The following NPR3 variants were observed in gnomAD, a reference collection of about 807,000 sequenced individuals.
The protein encoded by NPR3 is atrial natriuretic peptide receptor 3.
A neutral mutation model predicts 54.5 loss-of-function variants in NPR3; 34 were observed. The ratio of observed to expected loss-of-function variants is 0.62; its 90% CI spans 0.47 to 0.83. NPR3 has a LOEUF of 0.83. Ranked by LOEUF, NPR3 falls within the 40% of genes least tolerant of loss-of-function variation. The pLI, the probability that NPR3 is intolerant of heterozygous loss-of-function variation, is 0.00. For synonymous variants in NPR3, 289 were observed against 297.1 expected (o/e 0.97, Z 0.28); for missense variants, 674 against 720.8 (o/e 0.94, Z 0.74).
Position 32,768,347 on chromosome 5 carries a change from G to A in NPR3, c.1060-6361G>A, listed in dbSNP as rs562846347. ...TAAGCCTTCAAGAGGGTGATGGGAC[G>A]AGAAGCATCTGTATATGACGCATGT... On this transcript the variant is annotated intron_variant, in intron 3 of 7. Coordinates refer to ENST00000265074, the MANE Select transcript of NPR3 (RefSeq NM_001204375.2). Among the ~76,000 whole-genome samples, 47 of 152,288 alleles carry A rather than the reference G, an allele frequency of 3.1e-4. No homozygotes were observed. The South Asian group carries it at 8.5e-3, about 28-fold the overall frequency.
intron 1 of NPR3, 112 bp downstream of exon 1, chr5:32,712,657 G>A (rs1026514632): frequency 6.9e-6 from 7 of 1,007,304 alleles, no homozygotes; most frequent in Non-Finnish European, 8.6e-6. Context: ...CGCTGAGGTC[G>A]GGTGCGCGCG....
chr5:32,739,054 G>T, intron 3 of NPR3, 24 bp downstream of exon 3: 1 of 1,607,724 alleles, frequency 6.2e-7, no homozygotes, highest in South Asian at 1.1e-5. Context: ...TATGAGCCTA[G>T]ACCTTTAGCA....
chr5:32,782,263 T>C (rs1231529430), intron 5 of NPR3, among the ~76,000 whole-genome samples: 1 of 152,158 alleles, frequency 6.6e-6, no homozygotes, highest in East Asian at 1.9e-4. Flanking sequence ...TGAAAGACGC[T>C]CTTTAATTAT....
intron 3 of NPR3, among the ~76,000 whole-genome samples, chr5:32,757,530 G>A (rs1248771906): frequency 2.6e-5 from 4 of 152,110 alleles, no homozygotes; most frequent in Non-Finnish European, 4.4e-5. Flanking sequence ...TAAATATACA[G>A]TCATGTCATC....
intron 1 of NPR3, among the ~76,000 whole-genome samples, chr5:32,698,132 A>T (rs1740578443): frequency 6.6e-6 from 1 of 151,996 alleles, no homozygotes; most frequent in Admixed American, 6.6e-5. Context: ...TTATAGCTAT[A>T]GACTTTCCTC....
chr5:32,784,710 G>A (rs1742516134), intron 6 of NPR3, 86 bp from the exon 7 acceptor site: 7 of 1,043,360 alleles, frequency 6.7e-6, no homozygotes, highest in Middle Eastern at 4.1e-4. Flanking sequence ...ATGGGAAATC[G>A]AGGAACTTCT....
upstream of NPR3, chr5:32,710,854 T>A: frequency 7.5e-7 from 1 of 1,334,040 alleles, no homozygotes; most frequent in Non-Finnish European, 9.9e-7. Flanking sequence ...TTTCCCCCAG[T>A]CCTGGTTTTT....
At chr5:32,742,582 G>A (rs948943319) in intron 3 of NPR3, among the ~76,000 whole-genome samples, 2 of 152,036 alleles carry the variant, frequency 1.3e-5, no homozygotes, top group African/African-American at 2.4e-5. Flanking sequence ...AACTTTAAAT[G>A]GCCTTGGGTG....
chr5:32,777,964 A>G (rs1742148936), intron 4 of NPR3, among the ~76,000 whole-genome samples: 1 of 152,160 alleles, frequency 6.6e-6, no homozygotes, highest in Non-Finnish European at 1.5e-5. Context: ...ATTCTTAGCT[A>G]TTACTCACTA....
intron 3 of NPR3, among the ~76,000 whole-genome samples, chr5:32,772,349 G>A (rs1272818229): frequency 6.6e-6 from 1 of 152,206 alleles, no homozygotes; most frequent in Non-Finnish European, 1.5e-5. Context: ...GGAAACTGAA[G>A]ATTAGAGAGA....
intron 3 of NPR3, among the ~76,000 whole-genome samples, chr5:32,762,964 G>A (rs1156986569): frequency 1.2e-4 from 18 of 152,124 alleles, no homozygotes. Context: ...TATAGTTTTA[G>A]GTCTTACATT....
intron 3 of NPR3, among the ~76,000 whole-genome samples, chr5:32,770,988 G>C (rs545938124): frequency 6.6e-6 from 1 of 152,108 alleles, no homozygotes; most frequent in East Asian, 1.9e-4. Context: ...CATACCAGCT[G>C]ACCTTGTTCC....
At chr5:32,691,950 T>C (rs1325541881) in intron 1 of NPR3, among the ~76,000 whole-genome samples, 1 of 152,262 alleles carries the variant, frequency 6.6e-6, no homozygotes, top group African/African-American at 2.4e-5. Flanking sequence ...ATACAATTTC[T>C]ATATTGGAAT....
chr5:32,713,756 C>T (rs536029987), intron 1 of NPR3, among the ~76,000 whole-genome samples: 31 of 152,368 alleles, frequency 2.0e-4, no homozygotes, highest in African/African-American at 6.3e-4. Flanking sequence ...TGAGAGTGGA[C>T]AGAGAAGCCA....
chr5:32,759,851 T>C (rs1355849641), intron 3 of NPR3, among the ~76,000 whole-genome samples: 1 of 152,200 alleles, frequency 6.6e-6, no homozygotes, highest in Non-Finnish European at 1.5e-5. Context: ...ATTTTATTTC[T>C]CCTTCACTTA....
At chr5:32,752,533 G>T (rs73076091) in intron 3 of NPR3, among the ~76,000 whole-genome samples, 1,685 of 152,270 alleles carry the variant, frequency 0.011, 37 homozygotes, top group African/African-American at 0.039. Flanking sequence ...ATAGAAGGAG[G>T]CTTTCTCCTC....
chr5:32,784,237 C>G (rs1330729970), intron 6 of NPR3, among the ~76,000 whole-genome samples: 1 of 152,152 alleles, frequency 6.6e-6, no homozygotes, highest in Non-Finnish European at 1.5e-5. Context: ...CACCCAGACT[C>G]ATGTGCAGTG....
At chr5:32,756,312 G>A (rs1318668116) in intron 3 of NPR3, among the ~76,000 whole-genome samples, 2 of 152,138 alleles carry the variant, frequency 1.3e-5, no homozygotes, top group Non-Finnish European at 1.5e-5. Flanking sequence ...GTGTGAGATG[G>A]TATCTCATTG....
At chr5:32,736,237 A>G (rs1268760495) in intron 2 of NPR3, among the ~76,000 whole-genome samples, 7 of 148,390 alleles carry the variant, frequency 4.7e-5, no homozygotes, top group Non-Finnish European at 9.0e-5. Context: ...TCTCAAAAAA[A>G]AAAAAAAAAA....
Sources: gnomAD v4.1 joint callset for allele counts (sites outside exome capture counted in the v4.1 genomes callset) on GRCh38, gnomAD v4.1.1 for gene constraint, MANE v1.5 for transcripts, NCBI Gene and HGNC (gene_info 2026-07-23, HGNC 2026-07-21) for gene names.